The following PIK3C2G variants were observed in gnomAD, a reference collection of about 807,000 sequenced individuals.
PIK3C2G encodes phosphatidylinositol 3-kinase C2 domain-containing subunit gamma.
A neutral mutation model predicts 181.1 loss-of-function variants in PIK3C2G; 168 were observed. The ratio of observed to expected loss-of-function variants is 0.93; its 90% CI spans 0.82 to 1.05. PIK3C2G has a LOEUF of 1.05. Ranked by LOEUF, PIK3C2G falls within the 50% of genes least tolerant of loss-of-function variation. PIK3C2G has a pLI of 0.00. For missense variants in PIK3C2G, 1,869 were observed against 1,732.8 expected (o/e 1.08, Z -1.40); for synonymous variants, 573 against 592.2 (o/e 0.97, Z 0.47).
chr12:18,562,758 A>G lies in PIK3C2G; in HGVS notation c.3646A>G (p.Thr1216Ala). Residue 1216 changes from threonine to alanine, a missense_variant, in exon 27 of 33, where the codon ACA becomes GCA. By Grantham distance (58) the Thr-to-Ala change is moderately conservative. Coordinates refer to ENST00000538779, the MANE Select transcript of PIK3C2G (RefSeq NM_001288772.2). ...FPVKLNNLIH[T>A]LAQMSAISPA... ...TGTTAAATTGAATAACTTGATCCAC[A>G]CACTTGCACAAATGTCAGCCATAAG... 6.2e-7 allele frequency: 1 copy of G among 1,607,470 alleles called. No individual in the cohort carries two copies. The highest frequency in any genetic ancestry group is 8.5e-7 in the Non-Finnish European group (1 of 1,176,178).
chr12:18,358,725 T>C, intron 11 of PIK3C2G: 1 of 434,270 alleles, frequency 2.3e-6, no homozygotes. Flanking sequence ...CAGCCTTGAT[T>C]CTCATGACTT....
intron 25 of PIK3C2G, among the ~76,000 whole-genome samples, chr12:18,542,458 G>A (rs948937747): frequency 7.9e-5 from 12 of 151,678 alleles, no homozygotes; most frequent in Non-Finnish European, 1.2e-4. Flanking sequence ...TGGTTACATA[G>A]GTAAACTTCT....
chr12:18,592,839 G>C (rs1182142111), intron 29 of PIK3C2G, among the ~76,000 whole-genome samples: 1 of 151,840 alleles, frequency 6.6e-6, no homozygotes, highest in Non-Finnish European at 1.5e-5. Context: ...TCCTGAGGAG[G>C]AACTAATAGA....
chr12:18,487,096 T>TTTTG (rs71440368), intron 18 of PIK3C2G, among the ~76,000 whole-genome samples: 5 of 142,106 alleles, frequency 3.5e-5, no homozygotes, highest in African/African-American at 7.9e-5. Context: ...TTGAGGTATT[T>TTTTG]TGTGTGTGTG....
At position 18,445,111 on chromosome 12, in the gene PIK3C2G, A is replaced by C. The variant is rs746684346; in HGVS notation, c.2504+21072A>C. On this transcript the variant is annotated intron_variant, in intron 18 of 32. Coordinates refer to ENST00000538779, the MANE Select transcript of PIK3C2G (RefSeq NM_001288772.2). Reference sequence around the variant, plus strand: ...AAAAAAATGGATCCAAAGCTAGTACAAGCCAGATATTTAAAAAATTAGAAG... The same window carrying C: ...AAAAAAATGGATCCAAAGCTAGTACCAGCCAGATATTTAAAAAATTAGAAG... 4.6e-5 allele frequency among the ~76,000 whole-genome samples: 7 copies of C among 152,130 alleles called. No homozygotes were observed. The East Asian group carries it at 1.4e-3, about 29-fold the overall frequency.
At chr12:18,399,189 C>G (rs1294657678) in intron 15 of PIK3C2G, among the ~76,000 whole-genome samples, 2 of 108,044 alleles carry the variant, frequency 1.9e-5, no homozygotes, top group Non-Finnish European at 2.0e-5. Flanking sequence ...AGCGAGACTC[C>G]GTCTCAAAAA....
At chr12:18,699,451 G>C in the PIK3C2G span, among the ~76,000 whole-genome samples, 1 of 152,084 alleles carries the variant, frequency 6.6e-6, no homozygotes, top group Non-Finnish European at 1.5e-5. Context: ...TTCGCTTCCA[G>C]GACAAAGTTC....
At chr12:18,274,329 T>C (rs965954711) in intron 1 of PIK3C2G, among the ~76,000 whole-genome samples, 2 of 152,346 alleles carry the variant, frequency 1.3e-5, no homozygotes, top group Admixed American at 6.5e-5. Context: ...TTATAAATCA[T>C]GCTGCTATAA....
intron 26 of PIK3C2G, 114 bp from the exon 27 acceptor site, chr12:18,562,589 C>A: frequency 1.6e-6 from 1 of 629,706 alleles, no homozygotes; most frequent in Non-Finnish European, 2.8e-6. Flanking sequence ...AATAAACATA[C>A]ATGGTTCTTG....
At chr12:18,497,847 C>A in intron 22 of PIK3C2G, 99 bp downstream of exon 22, 1 of 868,342 alleles carries the variant, frequency 1.2e-6, no homozygotes, top group African/African-American at 1.7e-5. Context: ...TTTTAAACTA[C>A]AAGTTTGAAA....
chr12:18,346,268 T>A (rs1291445896), intron 10 of PIK3C2G, among the ~76,000 whole-genome samples: 5 of 152,210 alleles, frequency 3.3e-5, no homozygotes, highest in Non-Finnish European at 7.4e-5. Context: ...TTGTTTGATG[T>A]ACTTATAAGC....
the PIK3C2G span, among the ~76,000 whole-genome samples, chr12:18,680,713 TCACTACAAAAGGAGA>T: frequency 1.3e-5 from 2 of 152,036 alleles, no homozygotes; most frequent in African/African-American, 2.4e-5. Flanking sequence ...CATCTATTGC[TCACTACAAAAGGAGA>T]CACAACATGG....
intron 10 of PIK3C2G, among the ~76,000 whole-genome samples, chr12:18,346,153 T>G (rs1939649257): frequency 6.6e-6 from 1 of 152,184 alleles, no homozygotes; most frequent in Admixed American, 6.6e-5. Flanking sequence ...TTGTACTATT[T>G]TCATTCTCTT....
At chr12:18,553,816 C>T (rs769053269) in intron 26 of PIK3C2G, among the ~76,000 whole-genome samples, 26 of 151,894 alleles carry the variant, frequency 1.7e-4, no homozygotes, top group Admixed American at 6.6e-4. Context: ...CTCTTGTATC[C>T]CTCTTTGTAT....
At chr12:18,602,530 C>T (rs1278231178) in intron 30 of PIK3C2G, among the ~76,000 whole-genome samples, 2 of 151,930 alleles carry the variant, frequency 1.3e-5, no homozygotes, top group Admixed American at 1.3e-4. Context: ...ATTACTACAG[C>T]TGATGCTTTC....
At chr12:18,638,272 G>A (rs1030506218) in intron 31 of PIK3C2G, among the ~76,000 whole-genome samples, 5 of 152,120 alleles carry the variant, frequency 3.3e-5, no homozygotes, top group East Asian at 1.9e-4. Flanking sequence ...CCTCAGAGGA[G>A]GCTATCACTA....
At chr12:18,677,124 G>C in the PIK3C2G span, among the ~76,000 whole-genome samples, 6 of 152,070 alleles carry the variant, frequency 3.9e-5, no homozygotes, top group Non-Finnish European at 8.8e-5. Context: ...TAGAAAAGGG[G>C]AGTCTGTATC....
At chr12:18,707,011 CA>C in the PIK3C2G span, among the ~76,000 whole-genome samples, 1 of 152,202 alleles carries the variant, frequency 6.6e-6, no homozygotes, top group Non-Finnish European at 1.5e-5. Context: ...CTTGTGGCCA[CA>C]TCTCTCTAAT....
chr12:18,701,495 C>T, the PIK3C2G span: 11 of 1,613,956 alleles, frequency 6.8e-6, no homozygotes, highest in African/African-American at 2.7e-5. Flanking sequence ...CAAAACACCA[C>T]CTCACCTTCT....
Sources: allele counts gnomAD v4.1 joint callset (sites outside exome capture counted in the v4.1 genomes callset), GRCh38; gene constraint gnomAD v4.1.1; transcripts MANE v1.5; gene names NCBI Gene and HGNC (gene_info 2026-07-23, HGNC 2026-07-21).